Variants in SERPINA5 observed in about 807,000 individuals in gnomAD.
SERPINA5 encodes the protein plasma serine protease inhibitor.
Under a neutral mutation model 25.3 loss-of-function variants are expected in SERPINA5, and 25 were observed. That is an observed-to-expected ratio of 0.99 (90% CI 0.72 to 1.38). The LOEUF (loss-of-function observed/expected upper bound fraction) is 1.38. SERPINA5 is among the 40% of genes most tolerant of loss of function. The pLI is 0.00. For missense variants in SERPINA5, 599 were observed against 509.5 expected, an observed-to-expected ratio of 1.18 and a Z score of -1.69; for synonymous variants, 234 against 206.2, an observed-to-expected ratio of 1.14 and a Z score of -1.16.
At chr14:94,589,453 GAAGAAAAAAAGAAAAAA>G (rs889277310) in intron 3 of SERPINA5, among the ~76,000 whole-genome samples, 6 of 144,880 alleles carry the variant, frequency 4.1e-5, no homozygotes, top group East Asian at 2.0e-4. Flanking sequence ...ATCTCAAAAA[GAAGAAAAAAAGAAAAAA>G]AAGAAAAAAA....
At position 94,587,837 on chromosome 14, in the gene SERPINA5, C is replaced by T; in HGVS notation, c.475C>T (p.Pro159Ser). The T allele has an allele frequency of 1.2e-6, 2 of 1,613,948 alleles. No homozygotes were observed. The highest frequency in any genetic ancestry group is 1.7e-6 in the Non-Finnish European group (2 of 1,179,814). ...MKTLYLADTF[P>S]TNFRDSAGAM... ...GACGCTGTACCTGGCAGACACTTTC[C>T]CTACCAACTTTAGGGACTCTGCAGG... The change falls in exon 3 of 6, where the codon CCT (proline) becomes TCT (serine). Residue 159 changes from proline to serine, a missense_variant. Coordinates refer to ENST00000329597, the MANE Select transcript of SERPINA5 (RefSeq NM_000624.6).
intron 2 of SERPINA5, among the ~76,000 whole-genome samples, chr14:94,584,780 C>T (rs1323532426): frequency 6.6e-6 from 1 of 152,182 alleles, no homozygotes; most frequent in Admixed American, 6.5e-5. Context: ...TCAGTGTGAC[C>T]CTGTGGGGGG....
chr14:94,586,582 C>G (rs953563276), intron 2 of SERPINA5, among the ~76,000 whole-genome samples: 5 of 152,208 alleles, frequency 3.3e-5, no homozygotes, highest in Non-Finnish European at 5.9e-5. Context: ...AGCCCTATCT[C>G]CAGATATAGT....
At chr14:94,586,640 G>A (rs746971769) in intron 2 of SERPINA5, among the ~76,000 whole-genome samples, 9 of 152,136 alleles carry the variant, frequency 5.9e-5, no homozygotes, top group Non-Finnish European at 1.0e-4. Flanking sequence ...TGCATTTTGG[G>A]GGCACAATTC....
At chr14:94,583,072 A>T (rs1046909959) in intron 2 of SERPINA5, among the ~76,000 whole-genome samples, 4 of 152,198 alleles carry the variant, frequency 2.6e-5, no homozygotes, top group Admixed American at 1.3e-4. Context: ...GTATCACGTG[A>T]TCCAGGGCAG....
rs1298983892 is a variant in SERPINA5 at position 94,587,501 on chromosome 14, G to A, written c.139G>A (p.Asp47Asn). The A allele has an allele frequency of 1.9e-6, 3 of 1,614,070 alleles. No individual in the cohort carries two copies. The highest frequency in any genetic ancestry group is 2.2e-5 in the South Asian group (2 of 91,072). The change falls in exon 3 of 6, where the codon GAC becomes AAC. Residue 47 changes from aspartate (D) to asparagine (N), a missense_variant. Transcript: ENST00000329597. ...CACGGTGGCCCCCAGCAGCAGAAGG[G>A]ACTTTACCTTTGACCTCTACAGGGC... ...GATVAPSSRR[D>N]FTFDLYRALA...
intron 3 of SERPINA5, 97 bp downstream of exon 3, chr14:94,588,078 G>A (rs1885158237): frequency 1.4e-6 from 2 of 1,470,312 alleles, no homozygotes; most frequent in Middle Eastern, 1.8e-4. Context: ...AAGACGGGGA[G>A]TACGTTAAGT....
rs6113 is a variant in SERPINA5 at position 94,587,512 on chromosome 14, T to C, written c.150T>C (p.Phe50=). 204,639 of 1,613,980 alleles carry C rather than the reference T, an allele frequency of 0.13. 21,023 individuals carry two copies. The highest frequency in any genetic ancestry group is 0.55 in the African/African-American group (40,850 of 74,950). Residue 50 remains phenylalanine, a synonymous_variant, in exon 3 of 6, where the codon TTT becomes TTC. Coordinates refer to ENST00000329597, the MANE Select transcript of SERPINA5 (RefSeq NM_000624.6). ...CCAGCAGCAGAAGGGACTTTACCTTTGACCTCTACAGGGCCTTGGCTTCCG... is the reference window on the plus strand; with the variant it reads ...CCAGCAGCAGAAGGGACTTTACCTTCGACCTCTACAGGGCCTTGGCTTCCG... ...VAPSSRRDFT[F]DLYRALASAA... is the part of the protein sequence containing the mutation.
At chr14:94,585,807 A>T (rs1164798782) in intron 2 of SERPINA5, among the ~76,000 whole-genome samples, 4 of 125,020 alleles carry the variant, frequency 3.2e-5, no homozygotes, top group Non-Finnish European at 6.8e-5. Context: ...GTGTGTGTAA[A>T]GCATGTACCC....
intron 3 of SERPINA5, 81 bp from the exon 4 acceptor site, chr14:94,589,960 C>A (rs1885221604): frequency 7.3e-7 from 1 of 1,375,978 alleles, no homozygotes; most frequent in Admixed American, 2.3e-5. Flanking sequence ...TCTTTACTGT[C>A]TTCACTCCTT....
At chr14:94,589,739 C>T (rs900009554) in intron 3 of SERPINA5, among the ~76,000 whole-genome samples, 7 of 152,310 alleles carry the variant, frequency 4.6e-5, no homozygotes, top group African/African-American at 1.7e-4. Flanking sequence ...GAGATTTGGT[C>T]TTGAGTAAAA....
intron 2 of SERPINA5, among the ~76,000 whole-genome samples, chr14:94,582,924 T>A (rs964582608): frequency 2.0e-5 from 3 of 152,198 alleles, no homozygotes; most frequent in Admixed American, 6.5e-5. Context: ...AGCAAAAGCC[T>A]GCAGCCTATG....
intron 2 of SERPINA5, among the ~76,000 whole-genome samples, chr14:94,582,937 G>A (rs925392921): frequency 1.3e-5 from 2 of 152,206 alleles, no homozygotes; most frequent in African/African-American, 4.8e-5. Flanking sequence ...AGCCTATGCA[G>A]AAGTTGGCCT....
intron 2 of SERPINA5, among the ~76,000 whole-genome samples, chr14:94,583,348 C>G (rs893876303): frequency 6.6e-6 from 1 of 152,254 alleles, no homozygotes; most frequent in South Asian, 2.1e-4. Flanking sequence ...CAGGGAAAGG[C>G]GGCAGCTTTA....
intron 3 of SERPINA5, among the ~76,000 whole-genome samples, chr14:94,589,304 C>T (rs1885198587): frequency 6.6e-6 from 1 of 151,904 alleles, no homozygotes; most frequent in Non-Finnish European, 1.5e-5. Context: ...AGAAATTAGC[C>T]AGGCATGGTG....
intron 2 of SERPINA5, among the ~76,000 whole-genome samples, chr14:94,583,348 C>T (rs893876303): frequency 3.3e-5 from 5 of 152,136 alleles, no homozygotes; most frequent in Admixed American, 6.5e-5. Context: ...CAGGGAAAGG[C>T]GGCAGCTTTA....
intron 2 of SERPINA5, 124 bp from the exon 3 acceptor site, chr14:94,587,222 A>G (rs1885119494): frequency 1.1e-5 from 10 of 891,524 alleles, no homozygotes; most frequent in Non-Finnish European, 1.7e-5. Flanking sequence ...TGCGGGTGCC[A>G]TCCCTTCTCT....
At chr14:94,584,558 G>A (rs10131528) in intron 2 of SERPINA5, among the ~76,000 whole-genome samples, 1,727 of 152,048 alleles carry the variant, frequency 0.011, 31 homozygotes, top group African/African-American at 0.039. Flanking sequence ...GGCAGGGGGC[G>A]GGGTCTTGAG....
rs780554840 is a variant in SERPINA5 at position 94,587,800 on chromosome 14, A to C, written c.438A>C (p.Val146=). Residue 146 remains valine, a synonymous_variant, in exon 3 of 6, where the codon GTA becomes GTC. Coordinates refer to ENST00000329597, the MANE Select transcript of SERPINA5 (RefSeq NM_000624.6). The part of the protein sequence containing the change: ...DLVVDLQDTF[V]SAMKTLYLAD... ...TGGTAGACCTGCAGGACACCTTCGT[A>C]AGTGCCATGAAGACGCTGTACCTGG... 5 of 1,614,064 alleles carry C rather than the reference A, an allele frequency of 3.1e-6. No individual in the cohort carries two copies. The highest frequency in any genetic ancestry group is 4.2e-6 in the Non-Finnish European group (5 of 1,180,048).
Sources: gnomAD v4.1 joint callset for allele counts (sites outside exome capture counted in the v4.1 genomes callset) on GRCh38, gnomAD v4.1.1 for gene constraint, MANE v1.5 for transcripts, NCBI Gene and HGNC (gene_info 2026-07-23, HGNC 2026-07-21) for gene names.